Variants in C6 observed in about 807,000 individuals in gnomAD.
The protein encoded by C6 is complement C6, also known as complement component C6.
A neutral mutation model predicts 112.9 loss-of-function variants in C6; 101 were observed. The ratio of observed to expected loss-of-function variants is 0.89; its 90% CI spans 0.76 to 1.06. C6 has a LOEUF of 1.06. Ranked by LOEUF, C6 falls within the 50% of genes least tolerant of loss-of-function variation. The probability of loss-of-function intolerance (pLI) is 0.00; values close to 1 mark genes in which losing one functional copy is unlikely to be tolerated. For missense variants in C6, 1,202 were observed against 1,104.6 expected (o/e 1.09, Z -1.25); for synonymous variants, 431 against 384.1 (o/e 1.12, Z -1.43).
At chr5:41,239,599 C>T (rs933138680) in intron 1 of C6, among the ~76,000 whole-genome samples, 3 of 151,970 alleles carry the variant, frequency 2.0e-5, no homozygotes, top group African/African-American at 4.8e-5. Flanking sequence ...TTTTCCCCAT[C>T]CCCCACCCCT....
intron 1 of C6, among the ~76,000 whole-genome samples, chr5:41,204,860 G>A (rs1335733057): frequency 1.3e-5 from 2 of 151,762 alleles, no homozygotes; most frequent in Non-Finnish European, 2.9e-5. Flanking sequence ...TAGTAGAGAC[G>A]GGGTTTCACT....
intron 1 of C6, among the ~76,000 whole-genome samples, chr5:41,259,958 C>T (rs1480684825): frequency 2.0e-5 from 3 of 152,192 alleles, no homozygotes; most frequent in Admixed American, 2.0e-4. Context: ...TGTCCCCACA[C>T]ATTTCCAAAT....
At chr5:41,256,109 G>A (rs1290722219) in intron 1 of C6, among the ~76,000 whole-genome samples, 1 of 152,042 alleles carries the variant, frequency 6.6e-6, no homozygotes, top group Non-Finnish European at 1.5e-5. Context: ...CCCTACAAAG[G>A]ACATGAACTC....
At chr5:41,149,122 T>G (rs1746127826) in intron 17 of C6, 119 bp downstream of exon 17, 2 of 1,293,890 alleles carry the variant, frequency 1.5e-6, no homozygotes, top group Admixed American at 1.7e-5. Context: ...TTATGAATTT[T>G]TTTTACAATG....
chr5:41,211,895 T>C (rs886508594), intron 1 of C6, among the ~76,000 whole-genome samples: 1 of 152,156 alleles, frequency 6.6e-6, no homozygotes, highest in African/African-American at 2.4e-5. Context: ...GCAGACACTG[T>C]CTTTTAACTT....
chr5:41,158,963 G>A, intron 12 of C6, 119 bp downstream of exon 12: 1 of 1,296,044 alleles, frequency 7.7e-7, no homozygotes, highest in Non-Finnish European at 1.1e-6. Flanking sequence ...ATTCTGTGTT[G>A]GCATAGGTAA....
At chr5:41,208,584 T>C (rs143370251) in intron 1 of C6, among the ~76,000 whole-genome samples, 20,115 of 152,112 alleles carry the variant, frequency 0.13, 1,555 homozygotes, top group African/African-American at 0.22. Flanking sequence ...CAGAAAATAC[T>C]ATAAACACCT....
At chr5:41,188,607 CA>C (rs1749966070) in intron 5 of C6, among the ~76,000 whole-genome samples, 1 of 151,560 alleles carries the variant, frequency 6.6e-6, no homozygotes. Context: ...TCACATAATG[CA>C]AAAAAATTAA....
intron 1 of C6, among the ~76,000 whole-genome samples, chr5:41,219,558 A>G (rs1367166968): frequency 6.6e-6 from 1 of 152,194 alleles, no homozygotes; most frequent in African/African-American, 2.4e-5. Context: ...GTGGGAAACT[A>G]CTGAAAAACT....
intron 1 of C6, among the ~76,000 whole-genome samples, chr5:41,205,297 C>T (rs148168420): frequency 1.2e-4 from 18 of 152,300 alleles, no homozygotes; most frequent in African/African-American, 3.8e-4. Flanking sequence ...GTCTACAGCT[C>T]CTAGTGTGAG....
At chr5:41,188,941 A>G (rs376899268) in intron 5 of C6, among the ~76,000 whole-genome samples, 1 of 152,044 alleles carries the variant, frequency 6.6e-6, no homozygotes, top group Non-Finnish European at 1.5e-5. Flanking sequence ...CAAATTACTC[A>G]ATTAAACCAT....
chr5:41,239,579 T>A (rs1241101319), intron 1 of C6, among the ~76,000 whole-genome samples: 2 of 152,094 alleles, frequency 1.3e-5, no homozygotes, highest in Admixed American at 6.5e-5. Context: ...TAACTGTATG[T>A]TTATACCCAT....
chr5:41,246,562 C>G (rs941626050), intron 1 of C6, among the ~76,000 whole-genome samples: 1 of 152,194 alleles, frequency 6.6e-6, no homozygotes, highest in Non-Finnish European at 1.5e-5. Context: ...CGTGACAGCA[C>G]AGTCATAGGT....
At chr5:41,172,500 GT>G in intron 8 of C6, 153 bp from the exon 9 acceptor site, 1 of 756,658 alleles carries the variant, frequency 1.3e-6, no homozygotes, top group Non-Finnish European at 2.3e-6. Flanking sequence ...GCTCAAGTTA[GT>G]TTTACCTATA....
intron 1 of C6, among the ~76,000 whole-genome samples, chr5:41,209,050 T>C (rs559163758): frequency 6.6e-5 from 10 of 152,312 alleles, no homozygotes; most frequent in African/African-American, 2.4e-4. Context: ...ACCCCTGGGA[T>C]GCAAGTCTGT....
chr5:41,194,693 G>C (rs1750471779), intron 5 of C6, among the ~76,000 whole-genome samples: 2 of 151,686 alleles, frequency 1.3e-5, no homozygotes, highest in Non-Finnish European at 2.9e-5. Context: ...ATTATGTAAA[G>C]GGGAGAGTAT....
intron 5 of C6, among the ~76,000 whole-genome samples, chr5:41,193,453 G>C (rs759116640): frequency 1.3e-5 from 2 of 152,138 alleles, no homozygotes; most frequent in Non-Finnish European, 2.9e-5. Flanking sequence ...GATCTAATCT[G>C]ATTTATGTGT....
In C6 at chr5:41,158,746, C is replaced by A; in HGVS notation, c.1896G>T (p.Glu632Asp). The A allele has an allele frequency of 6.2e-7, 1 of 1,609,616 alleles. No individual in the cohort carries two copies. The highest frequency in any genetic ancestry group is 1.3e-5 in the African/African-American group (1 of 74,884). The change falls in exon 13 of 18, where the codon GAG becomes GAT. Residue 632 changes from glutamate to aspartate, a missense_variant. Glu to Asp is a conservative substitution (Grantham distance 45). Transcript: ENST00000337836. ...PCINDDEEMK[E>D]VDLPEIEADS... ...CTGCTTCTATCTCAGGAAGATCGACCTCTTTCATTTCTTCGTCATCATTGA... is the reference window on the plus strand; with the variant it reads ...CTGCTTCTATCTCAGGAAGATCGACATCTTTCATTTCTTCGTCATCATTGA...
chr5:41,197,823 T>C (rs1476484981), intron 4 of C6, among the ~76,000 whole-genome samples: 1 of 152,066 alleles, frequency 6.6e-6, no homozygotes, highest in African/African-American at 2.4e-5. Context: ...GGGAGAGATA[T>C]TGTAAGCCAT....
Sources: gnomAD v4.1 joint callset for allele counts (sites outside exome capture counted in the v4.1 genomes callset) on GRCh38, gnomAD v4.1.1 for gene constraint, MANE v1.5 for transcripts, NCBI Gene and HGNC (gene_info 2026-07-23, HGNC 2026-07-21) for gene names.